UBXN4: variants seen among roughly 807,000 people sequenced by gnomAD.
The protein encoded by UBXN4 is UBX domain protein 4, also known as UBX domain-containing protein 4.
A neutral mutation model predicts 66.2 loss-of-function variants in UBXN4; 35 were observed. The ratio of observed to expected loss-of-function variants is 0.53; its 90% CI spans 0.40 to 0.70. UBXN4 has a LOEUF of 0.70. Among genes scored for constraint, UBXN4 ranks in the 30% least tolerant of loss-of-function variants. UBXN4 has a pLI of 0.00. For synonymous variants in UBXN4, 203 were observed against 204.5 expected (o/e 0.99, Z 0.06); for missense variants, 533 against 599.8 (o/e 0.89, Z 1.16).
chr2:135,742,280 C>G (rs2077179587), intron 1 of UBXN4, among the ~76,000 whole-genome samples: 2 of 152,208 alleles, frequency 1.3e-5, no homozygotes, highest in Admixed American at 1.3e-4. Flanking sequence ...GGGCTGCCGG[C>G]CCGTGGCTGT....
chr2:135,742,135 G>T, intron 1 of UBXN4, 124 bp downstream of exon 1: 1 of 1,153,442 alleles, frequency 8.7e-7, no homozygotes, highest in Non-Finnish European at 1.2e-6. Flanking sequence ...TCGCACAATT[G>T]CCACTACTAC....
intron 11 of UBXN4, 139 bp downstream of exon 11, chr2:135,779,218 A>T: frequency 2.2e-6 from 2 of 890,870 alleles, no homozygotes; most frequent in Non-Finnish European, 3.1e-6. Context: ...TAATTAGATG[A>T]ATTTATAATT....
rs1399866418 is a variant in UBXN4 at position 135,749,659 on chromosome 2, TATA to T, written c.185+1294_185+1296del. Among the ~76,000 whole-genome samples, 156 of 152,364 alleles carry T rather than the reference TATA, an allele frequency of 1.0e-3. 1 individual carries two copies. Among genetic ancestry groups the T allele is most frequent in the African/African-American group, 3.6e-3 (148 of 41,598 alleles). The stretch of plus-strand genomic sequence containing the variant: ...GTATTGTTAATTTTTTAAGCATAAC[TATA>T]ATATTAATACTTCACAAACTAATAA... On this transcript the variant is annotated intron_variant, in intron 2 of 12. Transcript: ENST00000272638.
intron 4 of UBXN4, among the ~76,000 whole-genome samples, 168 bp from the exon 5 acceptor site, chr2:135,755,349 A>G (rs2077272908): frequency 6.6e-6 from 1 of 152,202 alleles, no homozygotes; most frequent in Non-Finnish European, 1.5e-5. Flanking sequence ...TAAATTCCAT[A>G]ATGTGATTAT....
intron 8 of UBXN4, among the ~76,000 whole-genome samples, chr2:135,771,618 A>G (rs1170128184): frequency 6.6e-6 from 1 of 152,164 alleles, no homozygotes; most frequent in Non-Finnish European, 1.5e-5. Flanking sequence ...GCTAGAGTGC[A>G]GTGGCGCAAT....
chr2:135,780,320 G>A lies in UBXN4; in HGVS notation c.1323G>A (p.Gln441=). The change falls in exon 12 of 13, where the codon CAG becomes CAA. Residue 441 remains glutamine (Q), a synonymous_variant. Transcript: ENST00000272638. Reference sequence around the variant, plus strand: ...TGTTTAGTAATCCGCCTCCCACACAGACTTCAGTGAGAGTAACATCGTCAG... The same window carrying A: ...TGTTTAGTAATCCGCCTCCCACACAAACTTCAGTGAGAGTAACATCGTCAG... ...NFLFSNPPPT[Q]TSVRVTSSEP... is the part of the protein sequence containing the mutation. 6.2e-7 allele frequency: 1 copy of A among 1,614,100 alleles called. No individual in the cohort carries two copies.
intron 10 of UBXN4, 122 bp from the exon 11 acceptor site, chr2:135,778,826 G>T: frequency 9.3e-7 from 1 of 1,075,170 alleles, no homozygotes. Flanking sequence ...ACCTTTTTTT[G>T]AGTTTACATG....
chr2:135,769,358 TATTA>T (rs2077368474), intron 6 of UBXN4, among the ~76,000 whole-genome samples: 1 of 152,036 alleles, frequency 6.6e-6, no homozygotes. Flanking sequence ...AGTAATTTGG[TATTA>T]ATAATTTGCT....
intron 9 of UBXN4, 101 bp from the exon 10 acceptor site, chr2:135,776,148 A>G (rs898512742): frequency 1.7e-5 from 15 of 904,702 alleles, no homozygotes; most frequent in Non-Finnish European, 2.3e-5. Flanking sequence ...AGAAAAAACT[A>G]TTGTCATTGC....
intron 6 of UBXN4, among the ~76,000 whole-genome samples, chr2:135,768,413 G>A: frequency 6.6e-6 from 1 of 151,792 alleles, no homozygotes; most frequent in Non-Finnish European, 1.5e-5. Flanking sequence ...TGGTCAGGCT[G>A]GTCTCAAACT....
At chr2:135,767,894 T>C (rs560814346) in intron 6 of UBXN4, among the ~76,000 whole-genome samples, 2 of 152,272 alleles carry the variant, frequency 1.3e-5, no homozygotes, top group Admixed American at 1.3e-4. Flanking sequence ...TTTTCTCTCA[T>C]GTGTTACTAT....
At chr2:135,779,542 G>A (rs929326800) in intron 11 of UBXN4, among the ~76,000 whole-genome samples, 4 of 152,150 alleles carry the variant, frequency 2.6e-5, no homozygotes, top group African/African-American at 9.7e-5. Context: ...TGGGATGAGA[G>A]CCTGGGTCTT....
At chr2:135,771,585 G>A (rs191709411) in intron 8 of UBXN4, among the ~76,000 whole-genome samples, 103 of 152,266 alleles carry the variant, frequency 6.8e-4, no homozygotes, top group Non-Finnish European at 1.1e-3. Flanking sequence ...TTTTTGAGAT[G>A]GAGTTTTAGT....
chr2:135,773,278 T>C (rs998083211), intron 9 of UBXN4, among the ~76,000 whole-genome samples: 1 of 152,304 alleles, frequency 6.6e-6, no homozygotes, highest in Admixed American at 6.5e-5. Flanking sequence ...ACCATTACAA[T>C]TTCTCTCTCT....
At chr2:135,749,368 G>A (rs1314013059) in intron 2 of UBXN4, among the ~76,000 whole-genome samples, 2 of 152,168 alleles carry the variant, frequency 1.3e-5, no homozygotes, top group Non-Finnish European at 1.5e-5. Context: ...AGTACCTGAT[G>A]TCCACAAGTC....
intron 2 of UBXN4, 134 bp from the exon 3 acceptor site, chr2:135,753,405 A>G (rs368248972): frequency 7.1e-5 from 43 of 605,258 alleles, no homozygotes; most frequent in African/African-American, 6.4e-4. Flanking sequence ...TTCTCCTTCA[A>G]CCTGATTGCT....
At chr2:135,749,021 G>A (rs945461181) in intron 2 of UBXN4, among the ~76,000 whole-genome samples, 2 of 151,580 alleles carry the variant, frequency 1.3e-5, no homozygotes, top group South Asian at 2.1e-4. Flanking sequence ...TAGCCTGGGC[G>A]AGAGAGCAAG....
intron 6 of UBXN4, among the ~76,000 whole-genome samples, chr2:135,767,091 T>C (rs1479776310): frequency 6.6e-6 from 1 of 152,224 alleles, no homozygotes; most frequent in East Asian, 1.9e-4. Context: ...TCTGGCATGG[T>C]GGCTCACGCC....
chr2:135,754,621 C>T (rs2077268490), intron 4 of UBXN4, among the ~76,000 whole-genome samples: 1 of 151,946 alleles, frequency 6.6e-6, no homozygotes, highest in African/African-American at 2.4e-5. Flanking sequence ...CCGCACCCTT[C>T]CTAACATTGG....
Sources: allele counts gnomAD v4.1 joint callset (sites outside exome capture counted in the v4.1 genomes callset), GRCh38; gene constraint gnomAD v4.1.1; transcripts MANE v1.5; gene names NCBI Gene and HGNC (gene_info 2026-07-23, HGNC 2026-07-21).